The following ZNF385D variants were observed in gnomAD, a reference collection of about 807,000 sequenced individuals.
The protein encoded by ZNF385D is zinc finger protein 659.
A neutral mutation model predicts 35.8 loss-of-function variants in ZNF385D; 15 were observed. The ratio of observed to expected loss-of-function variants is 0.42; its 90% CI spans 0.28 to 0.64. ZNF385D has a LOEUF of 0.64. Among genes scored for constraint, ZNF385D ranks in the 30% least tolerant of loss-of-function variants. The pLI is 0.23. For synonymous variants in ZNF385D, 212 were observed against 186.8 expected (o/e 1.13, Z -1.10); for missense variants, 474 against 494.6 (o/e 0.96, Z 0.39).
chr3:22,263,326 ACTTTCTGCTTCCTT>A (rs1559486137), intron 2 of ZNF385D, among the ~76,000 whole-genome samples: 1 of 151,816 alleles, frequency 6.6e-6, no homozygotes, highest in Non-Finnish European at 1.5e-5. Flanking sequence ...GGACTTTCCA[ACTTTCTGCTTCCTT>A]CTTTCTGCAA....
chr3:21,849,048 C>T (rs1696202211), intron 3 of ZNF385D, among the ~76,000 whole-genome samples: 1 of 152,084 alleles, frequency 6.6e-6, no homozygotes, highest in African/African-American at 2.4e-5. Flanking sequence ...TGGTCACTCT[C>T]ACTATGTCTG....
At chr3:21,913,669 C>T (rs1456547862) in intron 3 of ZNF385D, among the ~76,000 whole-genome samples, 2 of 152,050 alleles carry the variant, frequency 1.3e-5, no homozygotes, top group East Asian at 3.9e-4. Flanking sequence ...ACAAAGGTTA[C>T]TGTGTTTCTA....
chr3:22,168,765 A>G (rs949549966), intron 3 of ZNF385D: 2 of 962,458 alleles, frequency 2.1e-6, no homozygotes, highest in South Asian at 4.8e-5. Flanking sequence ...AGGTACACAA[A>G]TAACTTAAAT....
At chr3:21,752,008 C>CT (rs2070120682), upstream of ZNF385D, among the ~76,000 whole-genome samples, 1 of 25,694 alleles carries the variant, frequency 3.9e-5, no homozygotes, top group Non-Finnish European at 1.0e-4. Context: ...CACACACCCA[C>CT]CCCCCTCCCC....
In ZNF385D at chr3:21,964,412, T is replaced by TAAAAAAA. The variant is rs60635259; in HGVS notation, c.325+204398_325+204404dup. On this transcript the variant is annotated intron_variant, in intron 3 of 5. Coordinates refer to the ZNF385D transcript ENST00000494108. ...CTGGCTCTACAGTTGGTCCTTTTTG[T>TAAAAAAA]AAAAAAAAAAAAAAAAAAAAGAAAA... Among the ~76,000 whole-genome samples, 93 of 71,408 alleles carry TAAAAAAA rather than the reference T, an allele frequency of 1.3e-3. 2 individuals are homozygous for TAAAAAAA. Among genetic ancestry groups the TAAAAAAA allele is most frequent in the Middle Eastern group, 0.014 (1 of 72 alleles). 46.8% of individuals were successfully genotyped at this position (71,408 alleles called of 152,430 possible).
chr3:22,135,526 C>G (rs1704051070), intron 3 of ZNF385D, among the ~76,000 whole-genome samples: 1 of 152,098 alleles, frequency 6.6e-6, no homozygotes, highest in African/African-American at 2.4e-5. Flanking sequence ...GAATGAAAGA[C>G]TCAACATAGT....
chr3:21,448,104 G>T (rs1279447205), intron 4 of ZNF385D, among the ~76,000 whole-genome samples: 4 of 152,098 alleles, frequency 2.6e-5, no homozygotes, highest in African/African-American at 9.7e-5. Flanking sequence ...TTACCATGAT[G>T]TAACCGATAT....
At chr3:21,461,575 A>G (rs964749454) in intron 4 of ZNF385D, among the ~76,000 whole-genome samples, 1 of 152,162 alleles carries the variant, frequency 6.6e-6, no homozygotes, top group Non-Finnish European at 1.5e-5. Flanking sequence ...CAAACAAACA[A>G]ATCTCCTCTT....
chr3:22,311,493 C>T (rs952789939), intron 2 of ZNF385D, among the ~76,000 whole-genome samples: 2 of 152,042 alleles, frequency 1.3e-5, no homozygotes, highest in African/African-American at 4.8e-5. Context: ...AATACTATCA[C>T]ATATACTTAC....
chr3:21,753,680 G>A (rs1327927313), upstream of ZNF385D, among the ~76,000 whole-genome samples: 4 of 152,114 alleles, frequency 2.6e-5, no homozygotes, highest in Non-Finnish European at 1.5e-5. Context: ...AACAAGTGAT[G>A]TTTGTTTTAA....
chr3:22,086,621 T>C (rs1701059685), intron 3 of ZNF385D, among the ~76,000 whole-genome samples: 1 of 152,158 alleles, frequency 6.6e-6, no homozygotes. Context: ...ATGGTCATAA[T>C]ACCCAAGGTA....
intron 2 of ZNF385D, among the ~76,000 whole-genome samples, chr3:21,612,964 A>T (rs1272902885): frequency 1.3e-5 from 2 of 151,012 alleles, no homozygotes; most frequent in Non-Finnish European, 2.9e-5. Context: ...AAAAACAAAC[A>T]TCTTCATGCA....
intron 3 of ZNF385D, among the ~76,000 whole-genome samples, chr3:21,921,152 G>T (rs1313031272): frequency 2.7e-5 from 4 of 150,718 alleles, no homozygotes. Context: ...GAACCCGGGA[G>T]GCGGAGTTTG....
intron 3 of ZNF385D, among the ~76,000 whole-genome samples, chr3:21,760,583 G>A (rs1575603049): frequency 6.6e-6 from 1 of 152,148 alleles, no homozygotes; most frequent in Non-Finnish European, 1.5e-5. Flanking sequence ...ATCTCCAACT[G>A]AGAAACTGTT....
intron 2 of ZNF385D, among the ~76,000 whole-genome samples, chr3:22,234,534 G>T (rs1699071032): frequency 6.6e-6 from 1 of 151,700 alleles, no homozygotes; most frequent in Non-Finnish European, 1.5e-5. Flanking sequence ...TGACTGAAAA[G>T]CATCCCACCA....
At chr3:22,041,126 ATGT>A (rs552415475) in intron 3 of ZNF385D, among the ~76,000 whole-genome samples, 1 of 152,112 alleles carries the variant, frequency 6.6e-6, no homozygotes, top group South Asian at 2.1e-4. Context: ...GTTTTCCTCT[ATGT>A]TGGCTCCTGA....
At chr3:22,297,206 T>C (rs1702633213) in intron 2 of ZNF385D, among the ~76,000 whole-genome samples, 1 of 152,100 alleles carries the variant, frequency 6.6e-6, no homozygotes, top group Non-Finnish European at 1.5e-5. Flanking sequence ...GCTCCCAGAC[T>C]GTGACAATCA....
At chr3:21,730,638 A>C (rs2068953402) in intron 1 of ZNF385D, among the ~76,000 whole-genome samples, 1 of 152,238 alleles carries the variant, frequency 6.6e-6, no homozygotes, top group Admixed American at 6.5e-5. Context: ...GCACAAAATG[A>C]TGTAAAAGAA....
chr3:21,446,273 C>T (rs1317980725), intron 4 of ZNF385D, among the ~76,000 whole-genome samples: 1 of 152,048 alleles, frequency 6.6e-6, no homozygotes, highest in Non-Finnish European at 1.5e-5. Flanking sequence ...ATTTAAACAG[C>T]AAGTCATGAA....
Sources: gnomAD v4.1 joint callset for allele counts (sites outside exome capture counted in the v4.1 genomes callset) on GRCh38, gnomAD v4.1.1 for gene constraint, MANE v1.5 for transcripts, NCBI Gene and HGNC (gene_info 2026-07-23, HGNC 2026-07-21) for gene names.